Variants in SNX14 observed in about 807,000 individuals in gnomAD.
SNX14 encodes sorting nexin 14.
Under a neutral mutation model 133.8 loss-of-function variants are expected in SNX14, and 93 were observed. The observed-to-expected ratio is 0.70, with a 90% CI of 0.59 to 0.83. SNX14 has a LOEUF of 0.83. SNX14 is among the 40% of genes least tolerant of loss of function. SNX14 has a pLI of 0.00. For missense variants in SNX14, 945 were observed against 1,094.9 expected (o/e 0.86, Z 1.93); for synonymous variants, 368 against 365.6 (o/e 1.01, Z -0.07).
intron 28 of SNX14, among the ~76,000 whole-genome samples, chr6:85,506,493 T>G (rs1468687140): frequency 6.6e-6 from 1 of 152,160 alleles, no homozygotes; most frequent in African/African-American, 2.4e-5. Context: ...ACTTTTTCTA[T>G]TTTTAGTAGA....
At chr6:85,508,657 C>T (rs1422631645) in intron 26 of SNX14, among the ~76,000 whole-genome samples, 2 of 152,118 alleles carry the variant, frequency 1.3e-5, no homozygotes, top group African/African-American at 2.4e-5. Flanking sequence ...AACCATCTTA[C>T]AAACCAATCA....
intron 1 of SNX14, chr6:85,588,891 G>T (rs1583167922): frequency 4.4e-6 from 2 of 455,456 alleles, no homozygotes; most frequent in Non-Finnish European, 8.8e-6. Flanking sequence ...TATCACAAAG[G>T]TCTTCATCTT....
rs945563738 is a variant in SNX14, at chr6:85,514,595, C to G, written c.2303G>C (p.Arg768Pro). The G allele has an allele frequency of 1.2e-6, 2 of 1,612,242 alleles. No homozygotes were observed. Among genetic ancestry groups the G allele is most frequent in the Non-Finnish European group, 1.7e-6 (2 of 1,179,028 alleles). The change falls in exon 24 of 29, where the codon CGT (arginine) becomes CCT (proline). Residue 768 changes from arginine to proline, a missense_variant. Around this residue, in one of 3 missense-constraint regions of SNX14, gnomAD observed 412 missense variants for 516.6 expected, o/e 0.80. Coordinates refer to ENST00000314673, the MANE Select transcript of SNX14 (RefSeq NM_153816.6). ...FNDLFKNNANRAENTERKQNQ... is the reference protein window; with the variant it reads ...FNDLFKNNANPAENTERKQNQ... ...TTGCTTTCTCTCTGTATTTTCAGCA[C>G]GGTTTGCATTATTTTTAAACAGATC...
intron 26 of SNX14, among the ~76,000 whole-genome samples, chr6:85,510,200 TG>T (rs997560455): frequency 6.6e-6 from 1 of 152,198 alleles, no homozygotes; most frequent in Non-Finnish European, 1.5e-5. Flanking sequence ...TGCTTAGTTT[TG>T]TAAGAAACTG....
At chr6:85,560,394 A>G (rs1791139414) in intron 6 of SNX14, among the ~76,000 whole-genome samples, 1 of 152,208 alleles carries the variant, frequency 6.6e-6, no homozygotes, top group African/African-American at 2.4e-5. Flanking sequence ...AAGGCCACAT[A>G]TTGTATGATT....
At chr6:85,571,565 T>C (rs1157338927) in intron 4 of SNX14, among the ~76,000 whole-genome samples, 2 of 152,168 alleles carry the variant, frequency 1.3e-5, no homozygotes, top group African/African-American at 4.8e-5. Flanking sequence ...TAGGAACAAA[T>C]GAGACTCCAT....
chr6:85,533,773 C>T lies in SNX14; in HGVS notation c.1636G>A (p.Asp546Asn). The T allele has an allele frequency of 6.2e-7, 1 of 1,613,426 alleles. No homozygotes were observed. The highest frequency in any genetic ancestry group is 8.5e-7 in the Non-Finnish European group (1 of 1,179,934). The change falls in exon 18 of 29, where the codon GAT becomes AAT. Residue 546 changes from aspartate (D) to asparagine (N), a missense_variant. Physicochemically the swap from Asp to Asn is conservative, Grantham distance 23 (BLOSUM62 1). Transcript: ENST00000314673. ...FIEEGIVVME[D>N]DSPVEAVSTP... is the part of the protein sequence containing the mutation. ...CTCACAGCCTCCACTGGAGAATCAT[C>T]TTCCATTACAACAATACCTTCTTCA...
rs879133414 is a variant in SNX14 at position 85,593,781 on chromosome 6, T to G, written c.-63A>C. On this transcript the variant is annotated 5_prime_UTR_variant, in exon 1 of 29. It removes an upstream start codon present in the reference 5' UTR. Transcript: ENST00000314673. ...AGGCAGAGGTCAAGGCGACCCCCCA[T>G]CCACACCTCGCGTCCCCGCCCCACC... 24 of 1,600,004 alleles carry G rather than the reference T, an allele frequency of 1.5e-5. No homozygotes were observed. The South Asian group carries it at 2.7e-4, about 18-fold the overall frequency.
At chr6:85,555,512 A>G (rs1003751671) in intron 7 of SNX14, among the ~76,000 whole-genome samples, 42 of 152,244 alleles carry the variant, frequency 2.8e-4, no homozygotes, top group African/African-American at 9.9e-4. Flanking sequence ...AACATTCTGG[A>G]AACGTCAAAA....
rs111985882 is a variant in SNX14 at position 85,548,691 on chromosome 6, G to A, written c.792-315C>T. Among the ~76,000 whole-genome samples, 44 of 152,190 alleles carry A rather than the reference G, an allele frequency of 2.9e-4. 2 individuals carry two copies. Among genetic ancestry groups the A allele is most frequent in the African/African-American group, 5.8e-4 (24 of 41,524 alleles). On this transcript the variant is annotated intron_variant, in intron 8 of 28. Coordinates refer to ENST00000314673, the MANE Select transcript of SNX14 (RefSeq NM_153816.6). ...CATTAGGAAAAACTCTCTATCGGCC[G>A]GGTGGGGTGGCTCACGCCTGTAATC...
At position 85,539,935 on chromosome 6, in the gene SNX14, TTTTTATTTTATTTTA is replaced by T. The variant is rs147235178; in HGVS notation, c.1449-1086_1449-1072del. On this transcript the variant is annotated intron_variant, in intron 15 of 28. Transcript: ENST00000314673. ...ACTTAGATTTAACCACGAAGCAAGC[TTTTTATTTTATTTTA>T]TTTTATTTTATTTTATTTTATTTTA... 8.1e-5 allele frequency among the ~76,000 whole-genome samples: 11 copies of T among 136,586 alleles called. 1 individual carries two copies. In the South Asian group the frequency reaches 1.2e-3, roughly 15 times the overall value. 89.6% of individuals were successfully genotyped at this position (136,586 alleles called of 152,430 possible).
At chr6:85,592,296 T>C (rs1803040572) in intron 1 of SNX14, among the ~76,000 whole-genome samples, 1 of 152,172 alleles carries the variant, frequency 6.6e-6, no homozygotes, top group African/African-American at 2.4e-5. Context: ...AACTTCAACA[T>C]AGTCACAAAT....
intron 14 of SNX14, among the ~76,000 whole-genome samples, chr6:85,542,331 C>T (rs1784010230): frequency 6.6e-6 from 1 of 152,210 alleles, no homozygotes; most frequent in Non-Finnish European, 1.5e-5. Context: ...AATCTATCTA[C>T]TTACACAAAT....
At chr6:85,562,920 C>T (rs554715320) in intron 6 of SNX14, among the ~76,000 whole-genome samples, 1 of 152,092 alleles carries the variant, frequency 6.6e-6, no homozygotes, top group Admixed American at 6.5e-5. Flanking sequence ...ATAAAGATTA[C>T]CAAACTGCCC....
chr6:85,569,443 A>G (rs1394570466), intron 4 of SNX14, among the ~76,000 whole-genome samples: 1 of 152,248 alleles, frequency 6.6e-6, no homozygotes, highest in African/African-American at 2.4e-5. Flanking sequence ...TAAGAAAGGT[A>G]TAAATTGCAC....
chr6:85,511,398 C>G (rs989651424), intron 26 of SNX14, among the ~76,000 whole-genome samples: 3 of 152,158 alleles, frequency 2.0e-5, no homozygotes, highest in African/African-American at 7.2e-5. Flanking sequence ...TCACTATGCT[C>G]TTTATTTCCT....
intron 1 of SNX14, among the ~76,000 whole-genome samples, chr6:85,579,309 G>A (rs1798325780): frequency 6.6e-6 from 1 of 151,828 alleles, no homozygotes; most frequent in African/African-American, 2.4e-5. Context: ...CAAGCAAAAA[G>A]CAAAAAAAGT....
intron 19 of SNX14, 81 bp from the exon 20 acceptor site, chr6:85,528,443 T>C (rs886499097): frequency 1.3e-5 from 14 of 1,073,324 alleles, no homozygotes; most frequent in Non-Finnish European, 1.9e-5. Context: ...AAATTTACTA[T>C]GGCACATTCA....
At chr6:85,562,330 C>T (rs1366455377) in intron 6 of SNX14, among the ~76,000 whole-genome samples, 1 of 152,132 alleles carries the variant, frequency 6.6e-6, no homozygotes, top group Non-Finnish European at 1.5e-5. Flanking sequence ...AACTGCTTTC[C>T]ACAGTGGCTC....
Sources: allele counts gnomAD v4.1 joint callset (sites outside exome capture counted in the v4.1 genomes callset), GRCh38; gene constraint gnomAD v4.1.1; regional missense constraint gnomAD v4.1.1; transcripts MANE v1.5; gene names NCBI Gene and HGNC (gene_info 2026-07-23, HGNC 2026-07-21).